Variants in COL4A4 observed in about 807,000 individuals in gnomAD.
The protein encoded by COL4A4 is collagen alpha-4(IV) chain.
In COL4A4, 105 loss-of-function variants were observed where a neutral mutation model predicts 192.9. The observed-to-expected ratio is 0.54, with a 90% confidence interval of 0.46 to 0.64. The LOEUF is 0.64. Among genes scored for constraint, COL4A4 ranks in the 30% least tolerant of loss-of-function variants. The pLI is 0.00. For missense variants in COL4A4, 1,967 were observed against 2,169.3 expected, an observed-to-expected ratio of 0.91 and a Z score of 1.85; for synonymous variants, 762 against 769.9, an observed-to-expected ratio of 0.99 and a Z score of 0.17.
At chr2:227,162,082 A>G (rs76860788) in intron 1 of COL4A4, among the ~76,000 whole-genome samples, 1,665 of 152,328 alleles carry the variant, frequency 0.011, 54 homozygotes, top group East Asian at 0.073. Context: ...ACTCCAGCCC[A>G]GAGAGGTTAG....
At chr2:227,135,663 A>T (rs1193993354) in intron 4 of COL4A4, among the ~76,000 whole-genome samples, 2 of 151,190 alleles carry the variant, frequency 1.3e-5, no homozygotes, top group African/African-American at 4.9e-5. Flanking sequence ...TTCTTTTGAG[A>T]CAGAGTTTTA....
intron 4 of COL4A4, among the ~76,000 whole-genome samples, chr2:227,122,612 C>G (rs146006324): frequency 2.1e-4 from 32 of 152,290 alleles, no homozygotes; most frequent in African/African-American, 7.2e-4. Flanking sequence ...CTCTGGCAAC[C>G]CAATGTTGTG....
intron 32 of COL4A4, 100 bp from the exon 33 acceptor site, chr2:227,051,258 G>T: frequency 8.1e-7 from 1 of 1,229,936 alleles, no homozygotes. Flanking sequence ...TAAAGCCAAA[G>T]GTATTGAGGA....
At chr2:227,135,769 G>A (rs1040880671) in intron 4 of COL4A4, among the ~76,000 whole-genome samples, 8 of 151,980 alleles carry the variant, frequency 5.3e-5, no homozygotes, top group Non-Finnish European at 7.4e-5. Flanking sequence ...CAGCCTTCCA[G>A]GTAGCTGGGA....
At chr2:227,076,298 G>T (rs1370480104) in intron 25 of COL4A4, among the ~76,000 whole-genome samples, 3 of 152,042 alleles carry the variant, frequency 2.0e-5, no homozygotes, top group East Asian at 3.9e-4. Context: ...AGATATACAG[G>T]CCAATGGAAC....
At chr2:227,010,183 G>A in intron 46 of COL4A4, 130 bp downstream of exon 46, 2 of 940,690 alleles carry the variant, frequency 2.1e-6, no homozygotes, top group Non-Finnish European at 3.5e-6. Flanking sequence ...GACCATGCTA[G>A]TGTTTTTGTT....
rs763812191 is a variant in COL4A4 at position 227,101,831 on chromosome 2, T to C, written c.975+34A>G. ...TACTAAATTGCATTTACTAATGAAA[T>C]GTATTTATTATCTCTATAATGAGGT... On this transcript the variant is annotated intron_variant, in intron 16 of 47. Coordinates refer to ENST00000396625, the MANE Select transcript of COL4A4 (RefSeq NM_000092.5). 3 of 1,477,076 alleles carry C rather than the reference T, an allele frequency of 2.0e-6. No individual in the cohort carries two copies. In the East Asian group the frequency reaches 7.1e-5, roughly 35 times the overall value. The allele number at this position is 1,477,076 out of a possible 1,614,324, so 91.5% of individuals were successfully genotyped here. A position where few individuals can be genotyped will look rare whatever the true frequency, so the allele number is the denominator to read the frequency against.
chr2:227,022,367 G>T, intron 43 of COL4A4, 194 bp from the exon 44 acceptor site: 2 of 821,408 alleles, frequency 2.4e-6, no homozygotes, highest in Non-Finnish European at 4.3e-6. Flanking sequence ...TTTGTCTTAT[G>T]CCCTGGAGGG....
intron 5 of COL4A4, 96 bp from the exon 6 acceptor site, chr2:227,120,035 C>A: frequency 6.4e-6 from 6 of 938,526 alleles, no homozygotes; most frequent in Non-Finnish European, 9.3e-6. Flanking sequence ...CATCTTTAAA[C>A]ATGCTGAGCA....
At position 227,098,889 on chromosome 2, in the gene COL4A4, T is replaced by C. The variant is rs944816737; in HGVS notation, c.1100-91A>G. The C allele has an allele frequency of 3.9e-6, 4 of 1,038,950 alleles. No homozygotes were observed. In the African/African-American group the frequency reaches 4.8e-5, roughly 12 times the overall value. The allele number at this position is 1,038,950 out of a possible 1,614,324, so 64.4% of individuals were successfully genotyped here. ...TTACTTTTTGTGAGACTCAGTAAAG[T>C]ATAATTAGGAGACATTTTTGCAGTT... On this transcript the variant is annotated intron_variant, in intron 18 of 47. Coordinates refer to ENST00000396625, the MANE Select transcript of COL4A4 (RefSeq NM_000092.5).
chr2:227,033,449 G>T lies in COL4A4; in HGVS notation c.3538C>A (p.His1180Asn), dbSNP rs1166551481. The T allele has an allele frequency of 1.2e-6, 2 of 1,613,536 alleles. No individual in the cohort carries two copies. ...GTTCCTTTCTGACCTTTCAATCCAT[G>T]CAAGCCGTTCAGGCCAGGTGATCCG... is the stretch of plus-strand genomic sequence containing the variant. ...PSGSPGLNGL[H>N]GLKGQKGTKG... is the part of the protein sequence containing the mutation. The change falls in exon 38 of 48, where the codon CAT becomes AAT. Residue 1180 changes from histidine (H) to asparagine (N), a missense_variant. Physicochemically the swap from His to Asn is moderately conservative, Grantham distance 68. Coordinates refer to ENST00000396625, the MANE Select transcript of COL4A4 (RefSeq NM_000092.5).
In COL4A4 at chr2:227,003,249, A is replaced by G. The variant is rs1162834914; in HGVS notation, c.*4076T>C. ...AAAAAAAAGAAATATTTTTCGTATT[A>G]GTTTATTTTAAATACAAAATGTGAC... On this transcript the variant is annotated 3_prime_UTR_variant, in exon 48 of 48. Transcript: ENST00000396625. 3 of 152,204 alleles carry G rather than the reference A, an allele frequency of 2.0e-5. No individual in the cohort carries two copies. Among genetic ancestry groups the G allele is most frequent in the Non-Finnish European group, 4.4e-5 (3 of 68,034 alleles). The allele number at this position is 152,204 out of a possible 1,614,324, so 9.4% of individuals were successfully genotyped here.
At chr2:227,145,208 G>A (rs535973143) in intron 2 of COL4A4, among the ~76,000 whole-genome samples, 12 of 152,238 alleles carry the variant, frequency 7.9e-5, no homozygotes, top group Middle Eastern at 6.8e-3. Context: ...AGAACTTTAG[G>A]AGGCCGAGGT....
intron 32 of COL4A4, 144 bp downstream of exon 32, chr2:227,052,161 A>C: frequency 1.7e-6 from 1 of 604,028 alleles, no homozygotes; most frequent in Non-Finnish European, 3.0e-6. Flanking sequence ...ACTGCACTCC[A>C]GCCTGGGCGA....
rs371177118 is a variant in COL4A4, at chr2:227,143,000, T to TCA, written c.114+1514_114+1515dup. On this transcript the variant is annotated intron_variant, in intron 3 of 47. Transcript: ENST00000396625. Reference sequence around the variant, plus strand: ...AAGCATATTCATACAATGACCTCATTCACACACACACACACACACGCACAC... The same window carrying TCA: ...AAGCATATTCATACAATGACCTCATTCACACACACACACACACACACGCACAC... Among the ~76,000 whole-genome samples the TCA allele has an allele frequency of 2.6e-3, 380 of 143,454 alleles. 1 individual carries two copies. Among genetic ancestry groups the TCA allele is most frequent in the African/African-American group, 8.0e-3 (286 of 35,772 alleles). The allele number at this position is 143,454 out of a possible 152,430, so 94.1% of individuals were successfully genotyped here.
At chr2:226,997,639 A>G in the COL4A4 span, 1 of 152,042 alleles carries the variant, frequency 6.6e-6, no homozygotes, top group Non-Finnish European at 1.5e-5. Context: ...TTATTTTTTT[A>G]TATCACTTGA....
chr2:227,001,578 G>GA (rs996811320), downstream of COL4A4, among the ~76,000 whole-genome samples: 1 of 152,182 alleles, frequency 6.6e-6, no homozygotes, highest in African/African-American at 2.4e-5. Context: ...CACGAATGGG[G>GA]AAAGCCGCTG....
intron 36 of COL4A4, 125 bp downstream of exon 36, chr2:227,042,952 A>C: frequency 1.3e-6 from 1 of 751,636 alleles, no homozygotes; most frequent in South Asian, 1.6e-5. Flanking sequence ...GACCTATCCA[A>C]AGTCACAGGT....
At chr2:227,067,879 G>C (rs537706282) in intron 25 of COL4A4, among the ~76,000 whole-genome samples, 79 of 144,130 alleles carry the variant, frequency 5.5e-4, no homozygotes, top group African/African-American at 2.0e-3. Flanking sequence ...GAGCAGGACT[G>C]AAAGAAATAG....
Sources: gnomAD v4.1 joint callset for allele counts (sites outside exome capture counted in the v4.1 genomes callset) on GRCh38, gnomAD v4.1.1 for gene constraint, MANE v1.5 for transcripts, NCBI Gene and HGNC (gene_info 2026-07-23, HGNC 2026-07-21) for gene names.